NAALADL2: variants seen among roughly 807,000 people sequenced by gnomAD.
NAALADL2 encodes N-acetylated alpha-linked acidic dipeptidase like 2, also known as inactive N-acetylated-alpha-linked acidic dipeptidase-like protein 2.
A neutral mutation model predicts 87.2 loss-of-function variants in NAALADL2; 76 were observed. The ratio of observed to expected loss-of-function variants is 0.87; its 90% CI spans 0.72 to 1.05. NAALADL2 has a LOEUF of 1.05. Among genes scored for constraint, NAALADL2 ranks in the 50% least tolerant of loss-of-function variants. The pLI is 0.00. For synonymous variants in NAALADL2, 354 were observed against 331.0 expected (o/e 1.07, Z -0.75); for missense variants, 1,089 against 945.8 (o/e 1.15, Z -1.99).
At chr3:175,470,643 C>T (rs1347130435) in intron 8 of NAALADL2, among the ~76,000 whole-genome samples, 1 of 152,026 alleles carries the variant, frequency 6.6e-6, no homozygotes, top group Non-Finnish European at 1.5e-5. Flanking sequence ...TTCTGTAGAA[C>T]TGCCACCATG....
intron 11 of NAALADL2, among the ~76,000 whole-genome samples, chr3:175,715,214 C>G (rs1268708334): frequency 6.6e-6 from 1 of 152,060 alleles, no homozygotes; most frequent in African/African-American, 2.4e-5. Flanking sequence ...GTGGACAGAT[C>G]CAGGGTTAAA....
At chr3:174,989,865 T>C (rs9883297) in intron 1 of NAALADL2, among the ~76,000 whole-genome samples, 13,405 of 152,136 alleles carry the variant, frequency 0.088, 1,369 homozygotes, top group African/African-American at 0.24. Context: ...AAAATGGTAA[T>C]CTGCATATAT....
At chr3:175,119,887 C>CAT (rs10688417) in intron 2 of NAALADL2, among the ~76,000 whole-genome samples, 52,112 of 142,952 alleles carry the variant, frequency 0.36, 9,661 homozygotes, top group East Asian at 0.44. Flanking sequence ...TATATATATA[C>CAT]ATATATATAT....
chr3:174,928,810 G>A (rs1201489391), intron 1 of NAALADL2, among the ~76,000 whole-genome samples: 3 of 152,118 alleles, frequency 2.0e-5, no homozygotes, highest in Non-Finnish European at 4.4e-5. Context: ...ATTGGTGAAT[G>A]CAATAGTTTG....
At chr3:175,395,172 G>T (rs1032566368) in intron 5 of NAALADL2, among the ~76,000 whole-genome samples, 1 of 152,108 alleles carries the variant, frequency 6.6e-6, no homozygotes, top group African/African-American at 2.4e-5. Flanking sequence ...TATGTATAAT[G>T]CTGGACAGGG....
intron 5 of NAALADL2, among the ~76,000 whole-genome samples, chr3:175,434,083 G>A (rs907935837): frequency 6.6e-6 from 1 of 151,866 alleles, no homozygotes; most frequent in South Asian, 2.1e-4. Context: ...TAATAATATT[G>A]TAAGAAACCA....
chr3:175,021,140 A>T (rs1751501161), intron 1 of NAALADL2, among the ~76,000 whole-genome samples: 1 of 152,010 alleles, frequency 6.6e-6, no homozygotes, highest in South Asian at 2.1e-4. Flanking sequence ...AGTTACTATC[A>T]AAAGAGGAAA....
At chr3:174,891,052 T>C (rs1435708994) in intron 1 of NAALADL2, among the ~76,000 whole-genome samples, 1 of 152,138 alleles carries the variant, frequency 6.6e-6, no homozygotes, top group African/African-American at 2.4e-5. Flanking sequence ...CTAGAAATAT[T>C]GTAAATGAAT....
At chr3:175,523,756 C>G (rs1216066177) in intron 9 of NAALADL2, among the ~76,000 whole-genome samples, 2 of 151,998 alleles carry the variant, frequency 1.3e-5, no homozygotes, top group Non-Finnish European at 2.9e-5. Context: ...AAGAGAGTGA[C>G]GGAGCGAGTG....
intron 2 of NAALADL2, among the ~76,000 whole-genome samples, chr3:175,197,373 T>C (rs1220804171): frequency 6.6e-6 from 1 of 152,064 alleles, no homozygotes; most frequent in African/African-American, 2.4e-5. Context: ...TATATCTACG[T>C]ATATTTTATG....
At chr3:174,621,799 A>G (rs1279476886) in intron 2 of NAALADL2, among the ~76,000 whole-genome samples, 2 of 152,178 alleles carry the variant, frequency 1.3e-5, no homozygotes, top group Non-Finnish European at 2.9e-5. Context: ...ATAATGGGTC[A>G]CGTTTGACTG....
chr3:174,564,167 T>C (rs1339133108), intron 2 of NAALADL2, among the ~76,000 whole-genome samples: 1 of 152,058 alleles, frequency 6.6e-6, no homozygotes, highest in African/African-American at 2.4e-5. Context: ...GGGGGGCTAG[T>C]TGGGTTGGAG....
At chr3:175,165,724 A>G (rs934750289) in intron 2 of NAALADL2, among the ~76,000 whole-genome samples, 2 of 152,162 alleles carry the variant, frequency 1.3e-5, no homozygotes, top group Non-Finnish European at 1.5e-5. Context: ...GGCCCTGCAC[A>G]GCACATACCC....
chr3:175,163,085 T>C (rs923006679), intron 2 of NAALADL2, among the ~76,000 whole-genome samples: 2 of 152,136 alleles, frequency 1.3e-5, no homozygotes, highest in African/African-American at 4.8e-5. Flanking sequence ...GAAAAGTGTC[T>C]TAGTGAGTTA....
chr3:174,551,915 G>C (rs901699884), intron 2 of NAALADL2, among the ~76,000 whole-genome samples: 2 of 152,118 alleles, frequency 1.3e-5, no homozygotes, highest in Admixed American at 6.5e-5. Context: ...CACGGTCCTC[G>C]GGTCAAATTC....
At chr3:174,815,265 G>A (rs1373322948) in intron 3 of NAALADL2, among the ~76,000 whole-genome samples, 1 of 152,162 alleles carries the variant, frequency 6.6e-6, no homozygotes, top group Non-Finnish European at 1.5e-5. Flanking sequence ...GAGTGCTGGA[G>A]TTAGATTTCT....
At chr3:174,868,200 A>C (rs1727387313) in intron 1 of NAALADL2, among the ~76,000 whole-genome samples, 1 of 152,060 alleles carries the variant, frequency 6.6e-6, no homozygotes, top group South Asian at 2.1e-4. Flanking sequence ...CCTTTGGATA[A>C]ATTGCATTTG....
chr3:174,496,027 T>A (rs1718514002), intron 1 of NAALADL2, among the ~76,000 whole-genome samples: 1 of 152,182 alleles, frequency 6.6e-6, no homozygotes, highest in Admixed American at 6.5e-5. Flanking sequence ...ATTGTATGAC[T>A]GTGCTCTTGA....
intron 11 of NAALADL2, among the ~76,000 whole-genome samples, chr3:175,734,905 CT>C (rs1561057139): frequency 6.6e-6 from 1 of 152,300 alleles, no homozygotes; most frequent in South Asian, 2.1e-4. Flanking sequence ...CATTTGGCTC[CT>C]TTTTTACTTA....
Sources: gnomAD v4.1 joint callset for allele counts (sites outside exome capture counted in the v4.1 genomes callset) on GRCh38, gnomAD v4.1.1 for gene constraint, MANE v1.5 for transcripts, NCBI Gene and HGNC (gene_info 2026-07-23, HGNC 2026-07-21) for gene names.